ZBTB9: variants seen among roughly 807,000 people sequenced by gnomAD.
The protein encoded by ZBTB9 is zinc finger and BTB domain-containing protein 9.
Under a neutral mutation model 26.3 loss-of-function variants are expected in ZBTB9, and 17 were observed. The observed-to-expected ratio is 0.65, with a 90% confidence interval of 0.44 to 0.97. The LOEUF is 0.97. ZBTB9 is among the 50% of genes least tolerant of loss of function. The pLI is 0.00. For synonymous variants in ZBTB9, 226 were observed against 234.3 expected, an observed-to-expected ratio of 0.96 and a Z score of 0.32; for missense variants, 510 against 594.2, an observed-to-expected ratio of 0.86 and a Z score of 1.47.
chr6:33,454,152 A>G (rs1354026807), upstream of ZBTB9: 1 of 152,222 alleles, frequency 6.6e-6, no homozygotes, highest in Non-Finnish European at 1.5e-5. Context: ...CCCCGCCTGG[A>G]AACTGAGGAC....
Position 33,456,261 on chromosome 6 carries a change from G to A in ZBTB9, c.1161G>A (p.Leu387=). The A allele has an allele frequency of 2.5e-6, 4 of 1,613,484 alleles. No homozygotes were observed. The highest frequency in any genetic ancestry group is 3.4e-6 in the Non-Finnish European group (4 of 1,179,800). ...CAGATGGAAAACGCTTTGGTTGCCT[G>A]TGTGGGAAGCGGTTTGCAGTGAAGC... ...PPADGKRFGC[L]CGKRFAVKPK... is the part of the protein sequence containing the mutation. The change falls in exon 2 of 2, where the codon CTG becomes CTA. Residue 387 remains leucine (L), a synonymous_variant. Coordinates refer to ENST00000395064, the MANE Select transcript of ZBTB9 (RefSeq NM_152735.4). The surrounding 1 kb of genome is among the most constrained non-coding windows in gnomAD (Gnocchi z 5.1).
At chr6:33,453,282 ATATGTGAAATTT>A (rs1485761601), upstream of ZBTB9, 2 of 152,632 alleles carry the variant, frequency 1.3e-5, no homozygotes, top group African/African-American at 4.8e-5. Flanking sequence ...AAAGTTGTAA[ATATGTGAAATTT>A]TATCCCTGTG....
chr6:33,453,726 C>T (rs577143464), upstream of ZBTB9: 187 of 152,196 alleles, frequency 1.2e-3, 1 homozygote, highest in African/African-American at 3.9e-3. Context: ...GCTCTCCAGA[C>T]CTGTACGGTG....
rs1204274068 is a variant in ZBTB9, at chr6:33,455,114, C to G, written c.14C>G (p.Thr5Arg). METP[T>R]PLPPVPASPT... ...TTCGAGGAGGCCATGGAAACCCCAA[C>G]ACCTTTGCCGCCTGTACCCGCCTCC... The change falls in exon 2 of 2, where the codon ACA becomes AGA. Residue 5 changes from threonine to arginine, a missense_variant. Physicochemically the swap from Thr to Arg is moderately conservative, Grantham distance 71 (BLOSUM62 -1). This residue lies in a region of ZBTB9 where 439 missense variants were observed against 460.4 expected (regional missense o/e 0.95). Transcript: ENST00000395064. The G allele has an allele frequency of 6.2e-7, 1 of 1,603,356 alleles. No individual in the cohort carries two copies. Among genetic ancestry groups the G allele is most frequent in the African/African-American group, 1.3e-5 (1 of 74,692 alleles).
At chr6:33,454,559 T>A (rs1199872026), upstream of ZBTB9, 1 of 159,060 alleles carries the variant, frequency 6.3e-6, no homozygotes, top group African/African-American at 2.4e-5. Flanking sequence ...GGCGACGGTG[T>A]CCGGCGGGGA....
chr6:33,456,248 G>T lies in ZBTB9; in HGVS notation c.1148G>T (p.Arg383Leu), dbSNP rs1403138463. Residue 383 changes from arginine (R) to leucine (L), a missense_variant, in exon 2 of 2, where the codon CGC becomes CTC. Around this residue, in one of 2 missense-constraint regions of ZBTB9, gnomAD observed 71 missense variants for 133.8 expected, o/e 0.53. Coordinates refer to ENST00000395064, the MANE Select transcript of ZBTB9 (RefSeq NM_152735.4). The surrounding 1 kb of genome is among the most constrained non-coding windows in gnomAD (Gnocchi z 5.1). ...LGGTPPADGKRFGCLCGKRFA... is the reference protein window; with the variant it reads ...LGGTPPADGKLFGCLCGKRFA... ...GGGACACCCCCTGCAGATGGAAAAC[G>T]CTTTGGTTGCCTGTGTGGGAAGCGG... 2 of 1,613,172 alleles carry T rather than the reference G, an allele frequency of 1.2e-6. No individual in the cohort carries two copies. Among genetic ancestry groups the T allele is most frequent in the African/African-American group, 1.3e-5 (1 of 74,948 alleles).
In ZBTB9 at chr6:33,455,231, A is replaced by AG; in HGVS notation, c.134dup (p.Phe47ValfsTer3). The stretch of plus-strand genomic sequence containing the variant: ...GAATCTCTGAACCGCCACAGGCTAG[A>AG]GGGAAAGTTCTGTGATGTGTCCCTC... On this transcript the variant is annotated frameshift_variant, in exon 2 of 2. Transcript: ENST00000395064. LOFTEE classifies it low-confidence loss of function (END_TRUNC). 6.2e-7 allele frequency: 1 copy of AG among 1,614,168 alleles called. No homozygotes were observed. Among genetic ancestry groups the AG allele is most frequent in the Non-Finnish European group, 8.5e-7 (1 of 1,180,026 alleles).
At chr6:33,453,891 A>G (rs187798431), upstream of ZBTB9, 1 of 152,254 alleles carries the variant, frequency 6.6e-6, no homozygotes, top group East Asian at 1.9e-4. Context: ...AAACTTCTCC[A>G]ATCTAACTCT....
chr6:33,456,111 G>A lies in ZBTB9; in HGVS notation c.1011G>A (p.Gly337=), dbSNP rs1761482824. 1.9e-6 allele frequency: 3 copies of A among 1,613,356 alleles called. No homozygotes were observed. The highest frequency in any genetic ancestry group is 1.3e-5 in the African/African-American group (1 of 74,880). The change falls in exon 2 of 2, where the codon GGG becomes GGA. Residue 337 remains glycine, a synonymous_variant. Coordinates refer to ENST00000395064, the MANE Select transcript of ZBTB9 (RefSeq NM_152735.4). This position sits in a 1 kb window ranked among gnomAD's most constrained non-coding sequence, Gnocchi z 5.1. ...LLPSGPGPTS[G]GGGPSWKPVD... ...CTTCAGGGCCAGGGCCAACATCTGG[G>A]GGAGGGGGTCCATCCTGGAAACCAG...
At position 33,455,688 on chromosome 6, in the gene ZBTB9, G is replaced by C; in HGVS notation, c.588G>C (p.Val196=). The C allele has an allele frequency of 6.2e-7, 1 of 1,614,192 alleles. No individual in the cohort carries two copies. The highest frequency in any genetic ancestry group is 8.5e-7 in the Non-Finnish European group (1 of 1,180,032). The change falls in exon 2 of 2, where the codon GTG becomes GTC. Residue 196 remains valine (V), a synonymous_variant. Coordinates refer to ENST00000395064, the MANE Select transcript of ZBTB9 (RefSeq NM_152735.4). ...TESPASTESP[V]GGEGSELGEV... is the part of the protein sequence containing the mutation. ...GCCCTGCTTCCACTGAGAGCCCTGT[G>C]GGAGGGGAGGGAAGTGAACTGGGAG...
Position 33,455,326 on chromosome 6 carries a change from A to C in ZBTB9, c.226A>C (p.Lys76Gln). Reference protein sequence around the residue: ...LAAASPYFHDKLLLGDAPRLT... With the variant: ...LAAASPYFHDQLLLGDAPRLT... ...TGCTGCCTCTCCTTACTTCCATGAC[A>C]AGCTGCTTCTGGGGGATGCGCCTCG... Residue 76 changes from lysine to glutamine, a missense_variant, in exon 2 of 2, where the codon AAG (lysine) becomes CAG (glutamine). Lys to Gln is a moderately conservative substitution (Grantham distance 53, BLOSUM62 1). Coordinates refer to ENST00000395064, the MANE Select transcript of ZBTB9 (RefSeq NM_152735.4). 6.2e-7 allele frequency: 1 copy of C among 1,614,142 alleles called. No homozygotes were observed. The highest frequency in any genetic ancestry group is 8.5e-7 in the Non-Finnish European group (1 of 1,180,036).
chr6:33,453,487 C>T (rs1208060524), upstream of ZBTB9: 1 of 148,078 alleles, frequency 6.8e-6, no homozygotes, highest in Non-Finnish European at 1.5e-5. Flanking sequence ...GCTTCCCTCC[C>T]CACCCACCAC....
At position 33,455,757 on chromosome 6, in the gene ZBTB9, A is replaced by T. The variant is rs1348333184; in HGVS notation, c.657A>T (p.Glu219Asp). The T allele has an allele frequency of 2.5e-6, 4 of 1,613,418 alleles. No individual in the cohort carries two copies. Among genetic ancestry groups the T allele is most frequent in the Non-Finnish European group, 3.4e-6 (4 of 1,179,660 alleles). The stretch of plus-strand genomic sequence containing the variant: ...TGGAAGAAGAAGAGGAGGAGGAGGA[A>T]GATGATGATGATGAGGACCAGGGGT... Reference protein sequence around the residue: ...IQVEEEEEEEEDDDDEDQGSA... With the variant: ...IQVEEEEEEEDDDDDEDQGSA... The change falls in exon 2 of 2, where the codon GAA becomes GAT. Residue 219 changes from glutamate (E) to aspartate (D), a missense_variant. Coordinates refer to ENST00000395064, the MANE Select transcript of ZBTB9 (RefSeq NM_152735.4).
upstream of ZBTB9, chr6:33,454,249 C>T (rs892510257): frequency 1.3e-5 from 2 of 152,236 alleles, no homozygotes; most frequent in African/African-American, 4.8e-5. Flanking sequence ...CCCAACTAAT[C>T]TCGCCCCTCT....
rs1054831820 is a variant in ZBTB9 at position 33,457,026 on chromosome 6, G to A, written c.*504G>A. On this transcript the variant is annotated 3_prime_UTR_variant, in exon 2 of 2. Coordinates refer to ENST00000395064, the MANE Select transcript of ZBTB9 (RefSeq NM_152735.4). ...ATGATTTAAGCAGAAGTCCTTTTGT[G>A]TACTTTTAAAATTGTATCTTTCCAG... 6 of 168,828 alleles carry A rather than the reference G, an allele frequency of 3.6e-5. No individual in the cohort carries two copies. Among genetic ancestry groups the A allele is most frequent in the African/African-American group, 1.4e-4 (6 of 41,522 alleles). 10.5% of individuals were successfully genotyped at this position (168,828 alleles called of 1,614,324 possible).
At position 33,455,366 on chromosome 6, in the gene ZBTB9, G is replaced by A; in HGVS notation, c.266G>A (p.Ser89Asn). Residue 89 changes from serine (S) to asparagine (N), a missense_variant, in exon 2 of 2, where the codon AGT becomes AAT. By Grantham distance (46) the Ser-to-Asn change is conservative (BLOSUM62 1). Around this residue, in one of 2 missense-constraint regions of ZBTB9, gnomAD observed 439 missense variants for 460.4 expected, o/e 0.95. Transcript: ENST00000395064. ...LGDAPRLTLP[S>N]VIEADAFEGL... is the part of the protein sequence containing the mutation. The stretch of plus-strand genomic sequence containing the variant: ...GATGCGCCTCGTCTCACTCTACCGA[G>A]TGTCATTGAAGCCGATGCCTTCGAG... 6.2e-7 allele frequency: 1 copy of A among 1,614,178 alleles called. No individual in the cohort carries two copies. The highest frequency in any genetic ancestry group is 8.5e-7 in the Non-Finnish European group (1 of 1,180,046).
upstream of ZBTB9, chr6:33,454,303 C>G (rs1761429228): frequency 6.6e-6 from 1 of 152,354 alleles, no homozygotes. Context: ...CACCGGGAAA[C>G]GCAGCTTTCC....
Position 33,456,640 on chromosome 6 carries a change from T to TA in ZBTB9, c.*119dup, listed in dbSNP as rs1263843716. On this transcript the variant is annotated 3_prime_UTR_variant, in exon 2 of 2. Coordinates refer to ENST00000395064, the MANE Select transcript of ZBTB9 (RefSeq NM_152735.4). The surrounding 1 kb of genome is among the most constrained non-coding windows in gnomAD (Gnocchi z 5.1). ...CTTGTAATCATGCCAAGAGAATAGA[T>TA]ACATTATGGACCTCTTGTTCTTAGA... 4.0e-5 allele frequency: 60 copies of TA among 1,484,022 alleles called. No individual in the cohort carries two copies. The highest frequency in any genetic ancestry group is 5.0e-5 in the Non-Finnish European group (56 of 1,111,180). The allele number at this position is 1,484,022 out of a possible 1,614,324, so 91.9% of individuals were successfully genotyped here.
At position 33,456,792 on chromosome 6, in the gene ZBTB9, G is replaced by T. The variant is rs1761494317; in HGVS notation, c.*270G>T. ...TACTTAAGTTGATCACTTGCCCATG[G>T]TGGACATTTTTGTGGTGGTGATGTC... On this transcript the variant is annotated 3_prime_UTR_variant, in exon 2 of 2. Coordinates refer to ENST00000395064, the MANE Select transcript of ZBTB9 (RefSeq NM_152735.4). This position sits in a 1 kb window ranked among gnomAD's most constrained non-coding sequence, Gnocchi z 5.1. 2.2e-6 allele frequency: 1 copy of T among 454,012 alleles called. No homozygotes were observed. Among genetic ancestry groups the T allele is most frequent in the Non-Finnish European group, 3.9e-6 (1 of 255,160 alleles). 28.1% of individuals were successfully genotyped at this position (454,012 alleles called of 1,614,324 possible). A position where few individuals can be genotyped will look rare whatever the true frequency, so the allele number is the denominator to read the frequency against.
Sources: allele counts gnomAD v4.1 joint callset, GRCh38; gene constraint gnomAD v4.1.1; regional missense constraint gnomAD v4.1.1; non-coding constraint Gnocchi (gnomAD v3.1); transcripts MANE v1.5; gene names NCBI Gene and HGNC (gene_info 2026-07-23, HGNC 2026-07-21).